The following COL25A1 variants were observed in gnomAD, a reference collection of about 807,000 sequenced individuals.
COL25A1 encodes the protein collagen type XXV alpha 1 chain.
In COL25A1, 103 loss-of-function variants were observed where a neutral mutation model predicts 128.4. The observed-to-expected ratio is 0.80, with a 90% confidence interval of 0.68 to 0.94. The LOEUF is 0.94. Ranked by LOEUF, COL25A1 falls within the 40% of genes least tolerant of loss-of-function variation. COL25A1 has a pLI of 0.00. For missense variants in COL25A1, 745 were observed against 840.0 expected (o/e 0.89, Z 1.40); for synonymous variants, 279 against 277.2 (o/e 1.01, Z -0.06).
chr4:109,161,856 A>T (rs181098430), intron 3 of COL25A1, among the ~76,000 whole-genome samples: 2 of 152,234 alleles, frequency 1.3e-5, no homozygotes, highest in African/African-American at 4.8e-5. Context: ...CGGACCAGTT[A>T]GTGACTTCAC....
At position 108,818,841 on chromosome 4, in the gene COL25A1, C is replaced by T. The variant is rs549926517; in HGVS notation, c.1923+411G>A. ...TATTTATAGCCTGATTGAAATATAG[C>T]GAAAAAGGCAGAAATACCTTTTTTT... On this transcript the variant is annotated intron_variant, in intron 36 of 37. Coordinates refer to ENST00000399132, the MANE Select transcript of COL25A1 (RefSeq NM_198721.4). 7.8e-5 allele frequency among the ~76,000 whole-genome samples: 11 copies of T among 141,658 alleles called. 1 individual carries two copies. In the South Asian group the frequency reaches 1.7e-3, roughly 21 times the overall value. 92.9% of individuals were successfully genotyped at this position (141,658 alleles called of 152,430 possible). A position where few individuals can be genotyped will look rare whatever the true frequency, so the allele number is the denominator to read the frequency against.
At position 109,104,927 on chromosome 4, in the gene COL25A1, C is replaced by T. The variant is rs544179844; in HGVS notation, c.368-54748G>A. Among the ~76,000 whole-genome samples, 29 of 152,092 alleles carry T rather than the reference C, an allele frequency of 1.9e-4. No homozygotes were observed. In the South Asian group the frequency reaches 5.2e-3, roughly 27 times the overall value. On this transcript the variant is annotated intron_variant, in intron 3 of 37. Transcript: ENST00000399132. ...AATGCTATTGATTTAATAAAAATTG[C>T]TATTTATTAGATGCAATAATGGTAT... is the stretch of plus-strand genomic sequence containing the variant.
At chr4:109,017,774 G>A (rs775848220) in intron 5 of COL25A1, among the ~76,000 whole-genome samples, 12 of 152,164 alleles carry the variant, frequency 7.9e-5, no homozygotes, top group Non-Finnish European at 1.8e-4. Flanking sequence ...ACAAAAACTT[G>A]AGGAAATATT....
chr4:108,903,276 C>G (rs1743071381), intron 13 of COL25A1, among the ~76,000 whole-genome samples: 1 of 151,934 alleles, frequency 6.6e-6, no homozygotes. Context: ...ATCCCCATCA[C>G]TCTATAATAA....
chr4:109,132,568 C>A (rs1033562326), intron 3 of COL25A1, among the ~76,000 whole-genome samples: 1 of 152,034 alleles, frequency 6.6e-6, no homozygotes, highest in Non-Finnish European at 1.5e-5. Flanking sequence ...CAAAAAAATA[C>A]ATTAAATAAT....
chr4:109,079,268 C>G (rs1050516729), intron 3 of COL25A1, among the ~76,000 whole-genome samples: 2 of 152,154 alleles, frequency 1.3e-5, no homozygotes, highest in African/African-American at 4.8e-5. Flanking sequence ...AGATTTCCAG[C>G]TGGACAGCTG....
intron 3 of COL25A1, among the ~76,000 whole-genome samples, chr4:109,143,595 C>T (rs1401116076): frequency 6.6e-6 from 1 of 152,044 alleles, no homozygotes; most frequent in Non-Finnish European, 1.5e-5. Context: ...TGGAGGCTTT[C>T]TTCGTTCCTT....
intron 3 of COL25A1, among the ~76,000 whole-genome samples, chr4:109,137,984 A>ATGTGTGTGTGTGTGTGTGTGTGTG (rs10700157): frequency 2.1e-5 from 3 of 142,590 alleles, no homozygotes; most frequent in African/African-American, 7.7e-5. Context: ...TTATATATAT[A>ATGTGTGTGTGTGTGTGTGTGTGTG]TGTGTGTGTG....
At chr4:109,195,029 G>A (rs1211083252) in intron 3 of COL25A1, among the ~76,000 whole-genome samples, 1 of 152,090 alleles carries the variant, frequency 6.6e-6, no homozygotes, top group Non-Finnish European at 1.5e-5. Flanking sequence ...TGTTTATGAT[G>A]TGCTTATTTC....
intron 11 of COL25A1, among the ~76,000 whole-genome samples, chr4:108,937,198 G>A (rs547384170): frequency 2.6e-4 from 39 of 152,206 alleles, no homozygotes; most frequent in African/African-American, 8.7e-4. Context: ...ACAGGAAGAG[G>A]TAGGTTGAAG....
At chr4:108,872,167 G>A (rs1480616508) in intron 19 of COL25A1, among the ~76,000 whole-genome samples, 4 of 152,192 alleles carry the variant, frequency 2.6e-5, no homozygotes, top group East Asian at 1.9e-4. Context: ...TGTAATCCCA[G>A]CACTTTGGGA....
rs562793613 is a variant in COL25A1, at chr4:109,234,602, G to A, written c.367+65981C>T. Among the ~76,000 whole-genome samples the A allele has an allele frequency of 5.9e-5, 9 of 152,100 alleles. No homozygotes were observed. In the South Asian group the frequency reaches 1.9e-3, roughly 32 times the overall value. ...TTAGATAACAAAAAAACTTGCCTCA[G>A]TATAAAGCCACCAAAGAAGCACTTC... On this transcript the variant is annotated intron_variant, in intron 3 of 37. Transcript: ENST00000399132.
At chr4:109,010,068 T>C (rs1756429712) in intron 6 of COL25A1, among the ~76,000 whole-genome samples, 1 of 152,226 alleles carries the variant, frequency 6.6e-6, no homozygotes, top group Non-Finnish European at 1.5e-5. Flanking sequence ...TCGACTTTTA[T>C]GTCATGCTGT....
chr4:108,963,197 C>T (rs953298439), intron 8 of COL25A1, among the ~76,000 whole-genome samples: 5 of 152,172 alleles, frequency 3.3e-5, no homozygotes, highest in African/African-American at 1.2e-4. Context: ...TTCTGTAAAT[C>T]GTGATGCACC....
chr4:108,895,620 C>A (rs1742031694), intron 16 of COL25A1, among the ~76,000 whole-genome samples: 1 of 152,144 alleles, frequency 6.6e-6, no homozygotes, highest in African/African-American at 2.4e-5. Context: ...TGAAGCCTGA[C>A]AAAATACCCA....
chr4:108,968,395 T>C (rs1487586863), intron 8 of COL25A1, among the ~76,000 whole-genome samples: 1 of 152,138 alleles, frequency 6.6e-6, no homozygotes, highest in African/African-American at 2.4e-5. Context: ...TAATAGCCCA[T>C]GACTCCAAAA....
At chr4:108,842,470 T>C (rs1734560940) in intron 30 of COL25A1, among the ~76,000 whole-genome samples, 1 of 152,208 alleles carries the variant, frequency 6.6e-6, no homozygotes, top group Admixed American at 6.5e-5. Flanking sequence ...TACTGTGGAT[T>C]GCTGTAAACC....
chr4:108,860,390 C>T (rs1190796847), intron 23 of COL25A1, among the ~76,000 whole-genome samples: 1 of 152,056 alleles, frequency 6.6e-6, no homozygotes. Context: ...TGCACCTGGC[C>T]GTCATTCTTT....
intron 35 of COL25A1, among the ~76,000 whole-genome samples, chr4:108,822,043 A>ATTTTCTTTTTTTTT (rs1731825988): frequency 1.1e-5 from 1 of 89,964 alleles, no homozygotes; most frequent in Non-Finnish European, 2.1e-5. Context: ...CCTAATGGTA[A>ATTTTCTTTTTTTTT]TTTTTTTTTT....
Sources: gnomAD v4.1 joint callset for allele counts (sites outside exome capture counted in the v4.1 genomes callset) on GRCh38, gnomAD v4.1.1 for gene constraint, MANE v1.5 for transcripts, NCBI Gene and HGNC (gene_info 2026-07-23, HGNC 2026-07-21) for gene names.